The following FAM98B variants were observed in gnomAD, a reference collection of about 807,000 sequenced individuals.
FAM98B encodes the protein tRNA splicing ligase complex subunit 3B, also known as tRNA-splicing ligase complex subunit FAM98B.
A neutral mutation model predicts 43.9 loss-of-function variants in FAM98B; 32 were observed. That is an observed-to-expected ratio of 0.73 (90% CI 0.55 to 0.98). The LOEUF is 0.98. FAM98B is among the 50% of genes least tolerant of loss of function. The pLI is 0.00. For missense variants in FAM98B, 514 were observed against 522.9 expected (o/e 0.98, Z 0.17); for synonymous variants, 190 against 174.0 (o/e 1.09, Z -0.72).
At chr15:38,481,585 T>TC (rs757667017) in intron 7 of FAM98B, 126 bp downstream of exon 7, 1 of 1,611,058 alleles carries the variant, frequency 6.2e-7, no homozygotes, top group Non-Finnish European at 8.5e-7. Context: ...GCAGGGGGGT[T>TC]CAGTCTAGGC....
rs1037163212 is a variant in FAM98B at position 38,486,350 on chromosome 15, T to G, written c.*1691T>G. The G allele has an allele frequency of 6.6e-6, 1 of 152,146 alleles. No homozygotes were observed. The highest frequency in any genetic ancestry group is 1.5e-5 in the Non-Finnish European group (1 of 67,986). 9.4% of individuals were successfully genotyped at this position (152,146 alleles called of 1,614,324 possible). A position where few individuals can be genotyped will look rare whatever the true frequency, so the allele number is the denominator to read the frequency against. ...TCTGAAAAATAATTTTTAAAAACTT[T>G]TAAGAAAAAAACTACTTGAGTAAAA... On this transcript the variant is annotated 3_prime_UTR_variant, in exon 8 of 8. Transcript: ENST00000397609.
chr15:38,486,294 TAAGAA>T lies in FAM98B; in HGVS notation c.*1638_*1642del, dbSNP rs1231940300. The T allele has an allele frequency of 1.3e-5, 2 of 152,136 alleles. No homozygotes were observed. Among genetic ancestry groups the T allele is most frequent in the Admixed American group, 6.5e-5 (1 of 15,272 alleles). The allele number at this position is 152,136 out of a possible 1,614,324, so 9.4% of individuals were successfully genotyped here. A position where few individuals can be genotyped will look rare whatever the true frequency, so the allele number is the denominator to read the frequency against. On this transcript the variant is annotated 3_prime_UTR_variant, in exon 8 of 8. Coordinates refer to ENST00000397609, the MANE Select transcript of FAM98B (RefSeq NM_173611.4). ...AGCTGAAAAAAAGGCTTTCCATAAT[TAAGAA>T]AATACCTTTATCAGTAGCTATGAAC...
At chr15:38,456,791 A>G (rs1889855425) in intron 1 of FAM98B, among the ~76,000 whole-genome samples, 1 of 152,188 alleles carries the variant, frequency 6.6e-6, no homozygotes, top group Non-Finnish European at 1.5e-5. Context: ...AAATGTGAAG[A>G]CTTTGAAATG....
chr15:38,478,329 G>T (rs1890235120), intron 6 of FAM98B, among the ~76,000 whole-genome samples: 3 of 151,956 alleles, frequency 2.0e-5, no homozygotes, highest in Admixed American at 2.0e-4. Flanking sequence ...ATTTGGGAAG[G>T]TTTTTAAAAA....
At chr15:38,461,435 A>T (rs1347099877) in intron 1 of FAM98B, among the ~76,000 whole-genome samples, 2 of 152,130 alleles carry the variant, frequency 1.3e-5, no homozygotes, top group East Asian at 1.9e-4. Flanking sequence ...TATGTTAATG[A>T]TGGAGCATTT....
At chr15:38,484,197 C>T in intron 7 of FAM98B, 58 bp from the exon 8 acceptor site, 1 of 1,500,224 alleles carries the variant, frequency 6.7e-7, no homozygotes, top group Non-Finnish European at 9.0e-7. Context: ...TCACTTGAAA[C>T]TTTTATGTAA....
chr15:38,459,283 C>G (rs1039791045), intron 1 of FAM98B: 1 of 495,082 alleles, frequency 2.0e-6, no homozygotes, highest in Admixed American at 2.0e-5. Context: ...GGGGCAGACA[C>G]GTCCCTGGGA....
intron 6 of FAM98B, among the ~76,000 whole-genome samples, 166 bp downstream of exon 6, chr15:38,474,464 C>T (rs1220679214): frequency 6.6e-6 from 1 of 152,144 alleles, no homozygotes; most frequent in Middle Eastern, 3.2e-3. Context: ...TTGTATAAAT[C>T]CCTGTTGCAT....
chr15:38,481,632 C>T (rs1304241374), intron 7 of FAM98B, 173 bp downstream of exon 7: 2 of 1,527,688 alleles, frequency 1.3e-6, no homozygotes, highest in East Asian at 2.3e-5. Context: ...TGTATGTTCA[C>T]TTGAATTTGT....
At chr15:38,464,311 A>G in intron 2 of FAM98B, 134 bp downstream of exon 2, 14 of 829,150 alleles carry the variant, frequency 1.7e-5, no homozygotes, top group Non-Finnish European at 2.4e-5. Flanking sequence ...ATGTGGTAGT[A>G]AACATTTTTG....
chr15:38,465,049 A>G (rs547493197), intron 2 of FAM98B, among the ~76,000 whole-genome samples: 3 of 152,400 alleles, frequency 2.0e-5, no homozygotes, highest in South Asian at 2.1e-4. Context: ...ATAGAAATAT[A>G]GTAGAAATGG....
At chr15:38,467,182 A>G (rs907766382) in intron 3 of FAM98B, among the ~76,000 whole-genome samples, 2 of 152,180 alleles carry the variant, frequency 1.3e-5, no homozygotes, top group African/African-American at 4.8e-5. Context: ...CAGAAAGGTT[A>G]TACTAGTTCA....
In FAM98B at chr15:38,486,689, C is replaced by A. The variant is rs1420378797; in HGVS notation, c.*2030C>A. ...ACTCCTATGTACACATTCCTATAAA[C>A]CTTAATTGAATGAAAAGCTGAATCA... On this transcript the variant is annotated 3_prime_UTR_variant, in exon 8 of 8. Transcript: ENST00000397609. The A allele has an allele frequency of 1.3e-5, 2 of 152,108 alleles. No homozygotes were observed. The highest frequency in any genetic ancestry group is 4.8e-5 in the African/African-American group (2 of 41,430). The allele number at this position is 152,108 out of a possible 1,614,324, so 9.4% of individuals were successfully genotyped here. A position where few individuals can be genotyped will look rare whatever the true frequency, so the allele number is the denominator to read the frequency against.
At chr15:38,465,139 A>T (rs1890009134) in intron 2 of FAM98B, 130 bp from the exon 3 acceptor site, 1 of 827,864 alleles carries the variant, frequency 1.2e-6, no homozygotes, top group Non-Finnish European at 1.8e-6. Flanking sequence ...AAGCTTCGTG[A>T]TCACACATTT....
intron 7 of FAM98B, chr15:38,481,845 A>C: frequency 2.8e-6 from 1 of 351,160 alleles, no homozygotes; most frequent in African/African-American, 2.1e-5. Context: ...AGTCAGACCA[A>C]TCTGGGTTCC....
chr15:38,468,852 A>G (rs943099599), intron 3 of FAM98B, among the ~76,000 whole-genome samples: 10 of 152,206 alleles, frequency 6.6e-5, no homozygotes, highest in African/African-American at 2.4e-4. Context: ...TAAAACTGCT[A>G]TATTAAATTG....
chr15:38,471,387 A>AT (rs1890128725), intron 4 of FAM98B, among the ~76,000 whole-genome samples: 1 of 151,924 alleles, frequency 6.6e-6, no homozygotes, highest in Non-Finnish European at 1.5e-5. Context: ...ACTCTTCAGA[A>AT]TTTTTTTCTG....
chr15:38,455,997 T>C (rs537577837), intron 1 of FAM98B, among the ~76,000 whole-genome samples: 13 of 152,376 alleles, frequency 8.5e-5, no homozygotes, highest in African/African-American at 2.6e-4. Flanking sequence ...TGTGTTGTAA[T>C]GGAACACTGT....
At position 38,484,269 on chromosome 15, in the gene FAM98B, G is replaced by C. The variant is rs1228950640; in HGVS notation, c.912G>C (p.Arg304Ser). The change falls in exon 8 of 8, where the codon AGG becomes AGC. Residue 304 changes from arginine (R) to serine (S), a missense_variant. Physicochemically the swap from Arg to Ser is moderately radical, Grantham distance 110. This residue lies in a region of FAM98B where 469 missense variants were observed against 451.8 expected (regional missense o/e 1.04). Coordinates refer to ENST00000397609, the MANE Select transcript of FAM98B (RefSeq NM_173611.4). ...TCTTCACACAGGTGCTGATGGGAAG[G>C]GTGCCTGACAGGGGAGGCCGGCCGA... ...ACAINKVLMGRVPDRGGRPNE... is the reference protein window; with the variant it reads ...ACAINKVLMGSVPDRGGRPNE... 1 of 1,549,596 alleles carries C rather than the reference G, an allele frequency of 6.5e-7. No homozygotes were observed. The highest frequency in any genetic ancestry group is 2.0e-5 in the Admixed American group (1 of 51,276).
Sources: gnomAD v4.1 joint callset for allele counts (sites outside exome capture counted in the v4.1 genomes callset) on GRCh38, gnomAD v4.1.1 for gene constraint, gnomAD v4.1.1 regional missense constraint, MANE v1.5 for transcripts, NCBI Gene and HGNC (gene_info 2026-07-23, HGNC 2026-07-21) for gene names.